Variants in TREX1 observed in about 807,000 individuals in gnomAD.
TREX1 encodes three-prime repair exonuclease 1.
In TREX1, 11 loss-of-function variants were observed where a neutral mutation model predicts 13.7. The observed-to-expected ratio is 0.80, with a 90% CI of 0.51 to 1.33. TREX1 has a LOEUF of 1.33. Among genes scored for constraint, TREX1 ranks in the 40% most tolerant of loss-of-function variants. The probability of loss-of-function intolerance (pLI) is 0.00; values close to 1 mark genes in which losing one functional copy is unlikely to be tolerated. For missense variants in TREX1, 409 were observed against 404.4 expected (o/e 1.01, Z -0.10); for synonymous variants, 178 against 178.8 (o/e 1.00, Z 0.03).
chr3:48,466,948 A>C lies in TREX1; in HGVS notation c.293A>C (p.Gln98Pro). The change falls in exon 2 of 2, where the codon CAA becomes CCA. Residue 98 changes from glutamine to proline, a missense_variant. Physicochemically the swap from Gln to Pro is moderately conservative, Grantham distance 76. Coordinates refer to ENST00000625293, the MANE Select transcript of TREX1 (RefSeq NM_033629.6). ...GCTGTGCTGGCAGCGCATGGGCGTCAATGTTTTGATGACAACCTGGCCAAC... is the reference window on the plus strand; with the variant it reads ...GCTGTGCTGGCAGCGCATGGGCGTCCATGTTTTGATGACAACCTGGCCAAC... ...STAVLAAHGRQCFDDNLANLL... is the reference protein window; with the variant it reads ...STAVLAAHGRPCFDDNLANLL... 1 of 1,611,932 alleles carries C rather than the reference A, an allele frequency of 6.2e-7. No homozygotes were observed. The highest frequency in any genetic ancestry group is 1.1e-5 in the South Asian group (1 of 91,086).
rs761214096 is a variant in TREX1 at position 48,467,544 on chromosome 3, C to T, written c.889C>T (p.Leu297=). 6.2e-6 allele frequency: 10 copies of T among 1,613,756 alleles called. No homozygotes were observed. In the African/African-American group the frequency reaches 6.7e-5, roughly 11 times the overall value. ...GGCCCCACTGGGTCTGCTGGCCATC[C>T]TGACCTTGGCAGTAGCCACACTGTA... ...LLAPLGLLAI[L]TLAVATLYGL... Residue 297 remains leucine, a synonymous_variant, in exon 2 of 2, where the codon CTG becomes TTG. Transcript: ENST00000625293.
rs770607110 is a variant in TREX1 at position 48,466,801 on chromosome 3, CCT to C, written c.150_151del (p.Gln51GlyfsTer50). ...AGATGTGCCCTGGAGAGCCCCCCCA[CCT>C]CTCAGGGGCCACCTCCCACAGTTCC... On this transcript the variant is annotated frameshift_variant, in exon 2 of 2. Coordinates refer to ENST00000625293, the MANE Select transcript of TREX1 (RefSeq NM_033629.6). LOFTEE classifies it high-confidence loss of function. 7 of 1,613,834 alleles carry C rather than the reference CCT, an allele frequency of 4.3e-6. No homozygotes were observed. Among genetic ancestry groups the C allele is most frequent in the Non-Finnish European group, 5.9e-6 (7 of 1,180,040 alleles).
At position 48,467,632 on chromosome 3, in the gene TREX1, C is replaced by T; in HGVS notation, c.*32C>T. 6.3e-7 allele frequency: 1 copy of T among 1,598,252 alleles called. No homozygotes were observed. Among genetic ancestry groups the T allele is most frequent in the Non-Finnish European group, 8.5e-7 (1 of 1,172,170 alleles). ...AAGGAAAATCTGACGAATAAAGACC[C>T]CCGCTGCCCCATAGCACTGAGTGGT... On this transcript the variant is annotated 3_prime_UTR_variant, in exon 2 of 2. Transcript: ENST00000625293.
At chr3:48,466,058 G>A (rs939561665), upstream of TREX1, 9 of 338,330 alleles carry the variant, frequency 2.7e-5, no homozygotes, top group Admixed American at 2.5e-4. Flanking sequence ...CCGGTGCATT[G>A]TGCCACCAGC....
rs760594164 is a variant in TREX1, at chr3:48,466,947, C to CA, written c.294dup (p.Cys99MetfsTer3). 1.7e-5 allele frequency: 27 copies of CA among 1,611,878 alleles called. No individual in the cohort carries two copies. The East Asian group carries it at 6.0e-4, about 36-fold the overall frequency. ...AGCTGTGCTGGCAGCGCATGGGCGT[C>CA]AATGTTTTGATGACAACCTGGCCAA... On this transcript the variant is annotated frameshift_variant, in exon 2 of 2. Transcript: ENST00000625293. LOFTEE classifies it high-confidence loss of function.
chr3:48,467,249 G>A lies in TREX1; in HGVS notation c.594G>A (p.Glu198=), dbSNP rs2040363169. ...GQSPPDSHTA[E]GDVLALLSIC... ...CCCCTCCAGACTCGCACACGGCTGA[G>A]GGTGATGTCCTGGCCCTGCTCAGCA... Residue 198 remains glutamate (E), a synonymous_variant, in exon 2 of 2, where the codon GAG becomes GAA. Transcript: ENST00000625293. 2 of 1,614,132 alleles carry A rather than the reference G, an allele frequency of 1.2e-6. No individual in the cohort carries two copies. Among genetic ancestry groups the A allele is most frequent in the African/African-American group, 2.7e-5 (2 of 75,054 alleles).
At position 48,467,397 on chromosome 3, in the gene TREX1, G is replaced by C. The variant is rs2040376306; in HGVS notation, c.742G>C (p.Val248Leu). 6.2e-7 allele frequency: 1 copy of C among 1,614,216 alleles called. No individual in the cohort carries two copies. ...TAGGACCAAGCCAAGACCATCTGCT[G>C]TCACAACCACTGCACACCTGGCCAC... ...SARTKPRPSAVTTTAHLATTR... is the reference protein window; with the variant it reads ...SARTKPRPSALTTTAHLATTR... The change falls in exon 2 of 2, where the codon GTC becomes CTC. Residue 248 changes from valine (V) to leucine (L), a missense_variant. By Grantham distance (32) the Val-to-Leu change is conservative. Coordinates refer to ENST00000625293, the MANE Select transcript of TREX1 (RefSeq NM_033629.6).
rs2040290393 is a variant in TREX1, at chr3:48,466,277, G to GA, written c.-58dup. Reference sequence around the variant, plus strand: ...GAGAGCCGCGGGAGAGTGTGCAGCCGAGTCACTACTGCCTGCCTGCCTGCC... The same window carrying GA: ...GAGAGCCGCGGGAGAGTGTGCAGCCGAAGTCACTACTGCCTGCCTGCCTGCC... On this transcript the variant is annotated 5_prime_UTR_variant, in exon 1 of 2. Coordinates refer to ENST00000625293, the MANE Select transcript of TREX1 (RefSeq NM_033629.6). The GA allele has an allele frequency of 2.8e-5, 18 of 648,806 alleles. No individual in the cohort carries two copies. The South Asian group carries it at 2.9e-4, about 10-fold the overall frequency. 40.2% of individuals were successfully genotyped at this position (648,806 alleles called of 1,614,324 possible). A position where few individuals can be genotyped will look rare whatever the true frequency, so the allele number is the denominator to read the frequency against.
intron 1 of TREX1, 91 bp downstream of exon 1, chr3:48,466,400 A>G (rs2040297573): frequency 6.3e-6 from 10 of 1,577,072 alleles, no homozygotes; most frequent in Non-Finnish European, 8.7e-6. Context: ...GGAGGGGCCG[A>G]GTCATGTGAA....
intron 1 of TREX1, 159 bp from the exon 2 acceptor site, chr3:48,466,471 C>G (rs1368955015): frequency 6.2e-7 from 1 of 1,613,912 alleles, no homozygotes; most frequent in Non-Finnish European, 8.5e-7. Flanking sequence ...ACCTCACCCT[C>G]TCCAACTTCC....
In TREX1 at chr3:48,466,673, G is replaced by C. The variant is rs1560111276; in HGVS notation, c.18G>C (p.Leu6=). 1.2e-6 allele frequency: 2 copies of C among 1,613,862 alleles called. No homozygotes were observed. The highest frequency in any genetic ancestry group is 1.7e-6 in the Non-Finnish European group (2 of 1,179,940). Residue 6 remains leucine (L), a synonymous_variant, in exon 2 of 2, where the codon CTG becomes CTC. Coordinates refer to ENST00000625293, the MANE Select transcript of TREX1 (RefSeq NM_033629.6). MGSQA[L]PPGPMQTLIF... is the part of the protein sequence containing the mutation. ...ACCCAACCATGGGCTCGCAGGCCCT[G>C]CCCCCGGGGCCCATGCAGACCCTCA...
In TREX1 at chr3:48,466,969, C is replaced by T. The variant is rs1165472737; in HGVS notation, c.314C>T (p.Ala105Val). 2.5e-6 allele frequency: 4 copies of T among 1,612,534 alleles called. No homozygotes were observed. The Admixed American group carries it at 6.7e-5, about 27-fold the overall frequency. ...CGTCAATGTTTTGATGACAACCTGG[C>T]CAACCTGCTCCTAGCCTTCCTGCGG... ...HGRQCFDDNLANLLLAFLRRQ... is the reference protein window; with the variant it reads ...HGRQCFDDNLVNLLLAFLRRQ... Residue 105 changes from alanine (A) to valine (V), a missense_variant, in exon 2 of 2, where the codon GCC becomes GTC. Coordinates refer to ENST00000625293, the MANE Select transcript of TREX1 (RefSeq NM_033629.6).
Position 48,466,730 on chromosome 3 carries a change from C to G in TREX1, c.75C>G (p.Pro25=). The G allele has an allele frequency of 1.2e-6, 2 of 1,614,064 alleles. No homozygotes were observed. Among genetic ancestry groups the G allele is most frequent in the Non-Finnish European group, 1.7e-6 (2 of 1,180,026 alleles). ...IFFDMEATGL[P]FSQPKVTELC... ...TCGACATGGAGGCCACTGGCTTGCC[C>G]TTCTCCCAGCCCAAGGTCACGGAGC... is the stretch of plus-strand genomic sequence containing the variant. The change falls in exon 2 of 2, where the codon CCC becomes CCG. Residue 25 remains proline, a synonymous_variant. Coordinates refer to ENST00000625293, the MANE Select transcript of TREX1 (RefSeq NM_033629.6).
rs757909936 is a variant in TREX1 at position 48,466,954 on chromosome 3, T to C, written c.299T>C (p.Phe100Ser). The C allele has an allele frequency of 7.4e-6, 12 of 1,611,976 alleles. No individual in the cohort carries two copies. Among genetic ancestry groups the C allele is most frequent in the African/African-American group, 1.3e-5 (1 of 74,932 alleles). ...CTGGCAGCGCATGGGCGTCAATGTTTTGATGACAACCTGGCCAACCTGCTC... is the reference window on the plus strand; with the variant it reads ...CTGGCAGCGCATGGGCGTCAATGTTCTGATGACAACCTGGCCAACCTGCTC... ...AVLAAHGRQC[F>S]DDNLANLLLA... The change falls in exon 2 of 2, where the codon TTT (phenylalanine) becomes TCT (serine). Residue 100 changes from phenylalanine to serine, a missense_variant. Physicochemically the swap from Phe to Ser is radical, Grantham distance 155. Coordinates refer to ENST00000625293, the MANE Select transcript of TREX1 (RefSeq NM_033629.6).
In TREX1 at chr3:48,467,045, C is replaced by T; in HGVS notation, c.390C>T (p.Asp130=). 6.2e-7 allele frequency: 1 copy of T among 1,614,008 alleles called. No homozygotes were observed. Among genetic ancestry groups the T allele is most frequent in the African/African-American group, 1.3e-5 (1 of 75,060 alleles). ...TGGCACACAATGGTGACCGCTACGA[C>T]TTCCCCCTGCTCCAAGCAGAGCTGG... is the stretch of plus-strand genomic sequence containing the variant. ...CLVAHNGDRY[D]FPLLQAELAM... is the part of the protein sequence containing the mutation. The change falls in exon 2 of 2, where the codon GAC becomes GAT. Residue 130 remains aspartate (D), a synonymous_variant. Coordinates refer to ENST00000625293, the MANE Select transcript of TREX1 (RefSeq NM_033629.6).
intron 1 of TREX1, 138 bp from the exon 2 acceptor site, chr3:48,466,492 T>C (rs994326485): frequency 2.1e-5 from 34 of 1,613,752 alleles, no homozygotes; most frequent in African/African-American, 2.7e-5. Flanking sequence ...TGCCTGAAAA[T>C]GGGCCCTGGA....
chr3:48,467,155 G>A lies in TREX1; in HGVS notation c.500G>A (p.Ser167Asn), dbSNP rs200309956. 88 of 1,613,920 alleles carry A rather than the reference G, an allele frequency of 5.5e-5. No homozygotes were observed. The highest frequency in any genetic ancestry group is 7.2e-5 in the Non-Finnish European group (85 of 1,180,032). Residue 167 changes from serine to asparagine, a missense_variant, in exon 2 of 2, where the codon AGC (serine) becomes AAC (asparagine). Transcript: ENST00000625293. ...TALKALERAS[S>N]PSEHGPRKSY... is the part of the protein sequence containing the mutation. Reference sequence around the variant, plus strand: ...CTGAAGGCCCTGGAGCGAGCAAGCAGCCCCTCAGAACACGGCCCAAGGAAG... The same window carrying A: ...CTGAAGGCCCTGGAGCGAGCAAGCAACCCCTCAGAACACGGCCCAAGGAAG...
chr3:48,466,099 TG>T, upstream of TREX1: 2 of 386,490 alleles, frequency 5.2e-6, no homozygotes, highest in South Asian at 4.5e-5. Flanking sequence ...GGAAGGCCTC[TG>T]GGGTCCCCCG....
rs576033124 is a variant in TREX1, at chr3:48,467,082, C to G, written c.427C>G (p.Leu143Val). 1.9e-6 allele frequency: 3 copies of G among 1,614,008 alleles called. No individual in the cohort carries two copies. In the East Asian group the frequency reaches 6.7e-5, roughly 36 times the overall value. Residue 143 changes from leucine (L) to valine (V), a missense_variant, in exon 2 of 2, where the codon CTC becomes GTC. Coordinates refer to ENST00000625293, the MANE Select transcript of TREX1 (RefSeq NM_033629.6). ...CCAAGCAGAGCTGGCTATGCTGGGC[C>G]TCACCAGTGCTCTGGATGGTGCCTT... is the stretch of plus-strand genomic sequence containing the variant. ...LLQAELAMLG[L>V]TSALDGAFCV... is the part of the protein sequence containing the mutation.
Sources: gnomAD v4.1 joint callset for allele counts on GRCh38, gnomAD v4.1.1 for gene constraint, MANE v1.5 for transcripts, NCBI Gene and HGNC (gene_info 2026-07-23, HGNC 2026-07-21) for gene names.